Variants in ACTL8 observed in about 807,000 individuals in gnomAD.
The protein encoded by ACTL8 is actin-like protein 8.
ACTL8 carries 3 observed loss-of-function variants against 9.3 expected under a neutral mutation model. The ratio of observed to expected loss-of-function variants is 0.32; its 90% CI spans 0.15 to 0.83. The LOEUF (loss-of-function observed/expected upper bound fraction) is 0.83, where lower values mean the gene tolerates loss of function less well. Ranked by LOEUF, ACTL8 falls within the 40% of genes least tolerant of loss-of-function variation. The pLI, the probability that ACTL8 is intolerant of heterozygous loss-of-function variation, is 0.57. For missense variants in ACTL8, 381 were observed against 492.2 expected (o/e 0.77, Z 2.14); for synonymous variants, 224 against 205.9 (o/e 1.09, Z -0.75).
intron 1 of ACTL8, among the ~76,000 whole-genome samples, chr1:17,792,837 G>C (rs2066249858): frequency 6.6e-6 from 1 of 152,210 alleles, no homozygotes; most frequent in African/African-American, 2.4e-5. Flanking sequence ...AGAAGACCCT[G>C]TTATCATCCA....
In ACTL8 at chr1:17,825,827, C is replaced by T; in HGVS notation, c.409C>T (p.Leu137=). The T allele has an allele frequency of 6.2e-7, 1 of 1,614,116 alleles. No homozygotes were observed. The highest frequency in any genetic ancestry group is 8.5e-7 in the Non-Finnish European group (1 of 1,180,040). The part of the protein sequence containing the change: ...VLLADQLQMS[L]YASGLLTGVV... ...CCTGGCCGACCAGCTGCAGATGTCC[C>T]TGTATGCCTCTGGCCTCCTGACCGG... Residue 137 remains leucine (L), a synonymous_variant, in exon 3 of 3, where the codon CTG becomes TTG. Coordinates refer to ENST00000375406, the MANE Select transcript of ACTL8 (RefSeq NM_030812.3).
chr1:17,825,728 TG>T (rs752976207), intron 2 of ACTL8, 38 bp from the exon 3 acceptor site: 20 of 1,588,486 alleles, frequency 1.3e-5, no homozygotes, highest in East Asian at 2.2e-5. Context: ...CTGAGCAGGC[TG>T]GGGGGAAATG....
intron 1 of ACTL8, among the ~76,000 whole-genome samples, chr1:17,791,605 C>A (rs1187373244): frequency 6.6e-6 from 1 of 152,182 alleles, no homozygotes; most frequent in African/African-American, 2.4e-5. Flanking sequence ...GTTCCCCTGG[C>A]AGATGCCTCC....
At chr1:17,804,446 T>A (rs112601296) in intron 1 of ACTL8, among the ~76,000 whole-genome samples, 83 of 152,196 alleles carry the variant, frequency 5.5e-4, no homozygotes, top group African/African-American at 1.8e-3. Flanking sequence ...ATACATTTCA[T>A]CTAGGCCACA....
At chr1:17,763,068 C>G (rs2066018765) in intron 1 of ACTL8, among the ~76,000 whole-genome samples, 1 of 152,096 alleles carries the variant, frequency 6.6e-6, no homozygotes, top group Non-Finnish European at 1.5e-5. Context: ...ACCTTTGGGC[C>G]AGAGTAGCCT....
chr1:17,761,401 C>T (rs1457301620), intron 1 of ACTL8, among the ~76,000 whole-genome samples: 1 of 152,082 alleles, frequency 6.6e-6, no homozygotes, highest in Non-Finnish European at 1.5e-5. Flanking sequence ...AGCTGGGCCG[C>T]TTACAGGATG....
chr1:17,817,980 G>T (rs903052620), intron 1 of ACTL8, among the ~76,000 whole-genome samples: 1 of 152,144 alleles, frequency 6.6e-6, no homozygotes, highest in Non-Finnish European at 1.5e-5. Context: ...GGGATTACAG[G>T]TGTGAGCCAC....
chr1:17,825,080 A>AG (rs1474059530), intron 2 of ACTL8, among the ~76,000 whole-genome samples: 1 of 84,908 alleles, frequency 1.2e-5, no homozygotes. Flanking sequence ...AATGGGGGGC[A>AG]GGGGGGCTTT....
At position 17,790,780 on chromosome 1, in the gene ACTL8, C is replaced by G. The variant is rs561071011; in HGVS notation, c.-24-32205C>G. ...CCAGGCTGTAGGTGCCAAGGGGCACCTGCAGGCCAGTGCCAAGTTGCCCTT... is the reference window on the plus strand; with the variant it reads ...CCAGGCTGTAGGTGCCAAGGGGCACGTGCAGGCCAGTGCCAAGTTGCCCTT... On this transcript the variant is annotated intron_variant, in intron 1 of 2. Coordinates refer to ENST00000375406, the MANE Select transcript of ACTL8 (RefSeq NM_030812.3). Among the ~76,000 whole-genome samples, 6 of 152,332 alleles carry G rather than the reference C, an allele frequency of 3.9e-5. 1 individual carries two copies. The highest frequency in any genetic ancestry group is 2.6e-4 in the Admixed American group (4 of 15,298).
chr1:17,798,177 C>T (rs926331969), intron 1 of ACTL8, among the ~76,000 whole-genome samples: 1 of 101,424 alleles, frequency 9.9e-6, no homozygotes, highest in Non-Finnish European at 1.9e-5. Context: ...GTCATCAGTC[C>T]CGGCTCTGCC....
At chr1:17,787,011 T>G (rs1251527765) in intron 1 of ACTL8, among the ~76,000 whole-genome samples, 1 of 152,028 alleles carries the variant, frequency 6.6e-6, no homozygotes, top group Non-Finnish European at 1.5e-5. Context: ...CCTGACAGTT[T>G]TAGATAAGTG....
Position 17,823,269 on chromosome 1 carries a change from G to A in ACTL8, c.261G>A (p.Glu87=). 6.2e-7 allele frequency: 1 copy of A among 1,614,132 alleles called. No individual in the cohort carries two copies. Among genetic ancestry groups the A allele is most frequent in the Non-Finnish European group, 8.5e-7 (1 of 1,180,040 alleles). The change falls in exon 2 of 3, where the codon GAG becomes GAA. Residue 87 remains glutamate (E), a synonymous_variant. Coordinates refer to ENST00000375406, the MANE Select transcript of ACTL8 (RefSeq NM_030812.3). The surrounding 1 kb of genome is among the most constrained non-coding windows in gnomAD (Gnocchi z 5.3). ...AGTACCTCTGGTCATTTGTGTTGGA[G>A]AACCACAGACGGGAGCAAGAGGTCC... ...GVQYLWSFVL[E]NHRREQEVPP... is the part of the protein sequence containing the mutation.
chr1:17,769,693 T>C (rs147450327), intron 1 of ACTL8, among the ~76,000 whole-genome samples: 28 of 152,146 alleles, frequency 1.8e-4, no homozygotes, highest in African/African-American at 6.3e-4. Context: ...GAAGAGGGCA[T>C]GGGAATACAA....
chr1:17,819,125 C>T (rs1321083041), intron 1 of ACTL8, among the ~76,000 whole-genome samples: 1 of 152,218 alleles, frequency 6.6e-6, no homozygotes, highest in Non-Finnish European at 1.5e-5. Flanking sequence ...CTACCCTTGC[C>T]ATGCGCACCT....
intron 2 of ACTL8, 97 bp from the exon 3 acceptor site, chr1:17,825,670 G>T: frequency 6.8e-7 from 1 of 1,472,854 alleles, no homozygotes; most frequent in Non-Finnish European, 9.1e-7. Context: ...GGGGCAGCCC[G>T]AGAGTCCCCC....
chr1:17,764,574 G>GC (rs35668430), intron 1 of ACTL8, among the ~76,000 whole-genome samples: 39,213 of 151,612 alleles, frequency 0.26, 5,593 homozygotes, highest in Admixed American at 0.37. Context: ...AAGCTTCTGG[G>GC]CACCCCCCCA....
intron 1 of ACTL8, among the ~76,000 whole-genome samples, chr1:17,785,950 A>G (rs1308142978): frequency 6.6e-6 from 1 of 152,096 alleles, no homozygotes; most frequent in Non-Finnish European, 1.5e-5. Flanking sequence ...TGGAGTTGGG[A>G]GAGAAGTGCT....
chr1:17,826,162 G>C lies in ACTL8; in HGVS notation c.744G>C (p.Leu248=). Residue 248 remains leucine, a synonymous_variant, in exon 3 of 3, where the codon CTG becomes CTC. Transcript: ENST00000375406. The surrounding 1 kb of genome is among the most constrained non-coding windows in gnomAD (Gnocchi z 4.5). ...TCCCAGACGGCTCCCGCGTGGAGCT[G>C]ACCCCCATGCAGCGGGTGGCTCCTG... ...YQLPDGSRVE[L]TPMQRVAPEM... 6.2e-7 allele frequency: 1 copy of C among 1,612,834 alleles called. No individual in the cohort carries two copies. Among genetic ancestry groups the C allele is most frequent in the Non-Finnish European group, 8.5e-7 (1 of 1,179,680 alleles).
chr1:17,792,818 G>T (rs2066249739), intron 1 of ACTL8, among the ~76,000 whole-genome samples: 1 of 152,194 alleles, frequency 6.6e-6, no homozygotes, highest in African/African-American at 2.4e-5. Context: ...CCAAAGAGAA[G>T]GCAAGGACAG....
Sources: allele counts gnomAD v4.1 joint callset (sites outside exome capture counted in the v4.1 genomes callset), GRCh38; gene constraint gnomAD v4.1.1; non-coding constraint Gnocchi (gnomAD v3.1); transcripts MANE v1.5; gene names NCBI Gene and HGNC (gene_info 2026-07-23, HGNC 2026-07-21).